FAM135A: variants seen among roughly 807,000 people sequenced by gnomAD.
The protein encoded by FAM135A is protein FAM135A.
Under a neutral mutation model 146.8 loss-of-function variants are expected in FAM135A, and 79 were observed. That is an observed-to-expected ratio of 0.54 (90% CI 0.45 to 0.65). FAM135A has a LOEUF of 0.65. Ranked by LOEUF, FAM135A falls within the 30% of genes least tolerant of loss-of-function variation. The probability of loss-of-function intolerance (pLI) is 0.00; values close to 1 mark genes in which losing one functional copy is unlikely to be tolerated. For synonymous variants in FAM135A, 562 were observed against 603.6 expected (o/e 0.93, Z 1.01); for missense variants, 1,623 against 1,758.2 (o/e 0.92, Z 1.38).
At chr6:70,421,176 G>A (rs896667141) in intron 2 of FAM135A, among the ~76,000 whole-genome samples, 2 of 151,960 alleles carry the variant, frequency 1.3e-5, no homozygotes, top group African/African-American at 2.4e-5. Context: ...GAGCCACCAC[G>A]CCTGGCCCAC....
intron 18 of FAM135A, among the ~76,000 whole-genome samples, chr6:70,534,089 G>T (rs551947078): frequency 2.3e-3 from 346 of 152,098 alleles, no homozygotes; most frequent in Non-Finnish European, 4.1e-3. Context: ...GAAGATGGGG[G>T]ATGGTGGGGA....
At chr6:70,472,978 T>C (rs141492540) in intron 5 of FAM135A, among the ~76,000 whole-genome samples, 1 of 152,218 alleles carries the variant, frequency 6.6e-6, no homozygotes, top group Non-Finnish European at 1.5e-5. Context: ...GCTGTAACAT[T>C]ACTCTTTTTC....
At chr6:70,504,755 C>CTG (rs1561930845) in intron 12 of FAM135A, 1 of 152,050 alleles carries the variant, frequency 6.6e-6, no homozygotes, top group Admixed American at 6.6e-5. Context: ...GGTGGATCAC[C>CTG]TGAGGTCAGG....
chr6:70,466,438 A>G (rs1780495920), intron 5 of FAM135A, among the ~76,000 whole-genome samples: 1 of 152,216 alleles, frequency 6.6e-6, no homozygotes, highest in African/African-American at 2.4e-5. Context: ...CCAGCTGTGT[A>G]AGATAGCATA....
At chr6:70,445,790 T>C (rs966307265) in intron 4 of FAM135A, among the ~76,000 whole-genome samples, 3 of 152,130 alleles carry the variant, frequency 2.0e-5, no homozygotes, top group Non-Finnish European at 4.4e-5. Flanking sequence ...CATGTCACAG[T>C]GCTGCAGAGA....
rs1456373235 is a variant in FAM135A, at chr6:70,474,678, C to T, written c.158-732C>T. Among the ~76,000 whole-genome samples, 4 of 152,152 alleles carry T rather than the reference C, an allele frequency of 2.6e-5. No individual in the cohort carries two copies. The East Asian group carries it at 5.8e-4, about 22-fold the overall frequency. On this transcript the variant is annotated intron_variant, in intron 5 of 21. Transcript: ENST00000418814. ...TTGTTTTCTCCCCATTAAGTAAGGACGCATTAACTTTCCTCCTCTCGAACA... is the reference window on the plus strand; with the variant it reads ...TTGTTTTCTCCCCATTAAGTAAGGATGCATTAACTTTCCTCCTCTCGAACA...
At chr6:70,502,904 G>GA in intron 12 of FAM135A, 113 bp downstream of exon 12, 2 of 1,093,110 alleles carry the variant, frequency 1.8e-6, no homozygotes, top group East Asian at 5.0e-5. Flanking sequence ...TCAGAAAAGA[G>GA]ACATTTGTCA....
At chr6:70,421,915 A>G (rs1441118837) in intron 2 of FAM135A, among the ~76,000 whole-genome samples, 3 of 152,182 alleles carry the variant, frequency 2.0e-5, no homozygotes, top group Admixed American at 2.0e-4. Flanking sequence ...AGATACAGAG[A>G]GTTCCTTGCA....
At chr6:70,505,479 T>C (rs1039076842) in intron 12 of FAM135A, among the ~76,000 whole-genome samples, 6 of 152,142 alleles carry the variant, frequency 3.9e-5, no homozygotes, top group African/African-American at 1.4e-4. Flanking sequence ...AGTTTGGGTT[T>C]GTATTATATT....
intron 20 of FAM135A, among the ~76,000 whole-genome samples, chr6:70,539,810 A>G (rs2128437666): frequency 1.3e-5 from 2 of 152,200 alleles, no homozygotes; most frequent in African/African-American, 4.8e-5. Flanking sequence ...CCTGGCTAAC[A>G]CGGTGAAACC....
intron 2 of FAM135A, among the ~76,000 whole-genome samples, chr6:70,421,599 T>G (rs1768870307): frequency 6.6e-6 from 1 of 152,218 alleles, no homozygotes; most frequent in Non-Finnish European, 1.5e-5. Context: ...AGTTTCTCAC[T>G]TAGTTTCAGA....
At chr6:70,439,837 C>G (rs1156964062) in intron 4 of FAM135A, among the ~76,000 whole-genome samples, 1 of 152,194 alleles carries the variant, frequency 6.6e-6, no homozygotes, top group Non-Finnish European at 1.5e-5. Flanking sequence ...TAAGCACACA[C>G]CTATCACCTA....
chr6:70,448,670 C>T (rs1326712568), intron 4 of FAM135A, among the ~76,000 whole-genome samples: 4 of 152,052 alleles, frequency 2.6e-5, no homozygotes, highest in South Asian at 2.1e-4. Flanking sequence ...CTGAGAGCCC[C>T]GAACAAAGAT....
In FAM135A at chr6:70,556,788, C is replaced by T. The variant is rs774549257; in HGVS notation, c.4267C>T (p.Leu1423=). The change falls in exon 21 of 22, where the codon CTA becomes TTA. Residue 1423 remains leucine (L), a synonymous_variant. Transcript: ENST00000418814. ...CAAAAATGTTGTGCTAGTGGGATCC[C>T]TACAGGATCGCTATGTTCCTTATCA... ...YFKNVVLVGS[L]QDRYVPYHSA... The T allele has an allele frequency of 1.9e-5, 31 of 1,613,752 alleles. 1 individual carries two copies. The South Asian group carries it at 3.2e-4, about 17-fold the overall frequency.
chr6:70,518,662 T>C (rs1003141289), intron 12 of FAM135A, among the ~76,000 whole-genome samples: 3 of 152,198 alleles, frequency 2.0e-5, no homozygotes, highest in Non-Finnish European at 4.4e-5. Flanking sequence ...CATTCCTAAA[T>C]TCTAGAGCTC....
intron 10 of FAM135A, among the ~76,000 whole-genome samples, chr6:70,490,300 A>G (rs531244720): frequency 5.3e-4 from 81 of 152,296 alleles, no homozygotes; most frequent in African/African-American, 1.9e-3. Flanking sequence ...AATTAAGTGT[A>G]TGTAAAGATA....
At chr6:70,490,125 A>G (rs997049250) in intron 10 of FAM135A, among the ~76,000 whole-genome samples, 1 of 152,124 alleles carries the variant, frequency 6.6e-6, no homozygotes, top group African/African-American at 2.4e-5. Context: ...CTGTTTTACA[A>G]ATTAGTCAGC....
intron 12 of FAM135A, among the ~76,000 whole-genome samples, chr6:70,515,387 CTG>C (rs1368715244): frequency 6.6e-6 from 1 of 152,144 alleles, no homozygotes; most frequent in Admixed American, 6.5e-5. Context: ...GATAAACAAA[CTG>C]TTGTCCATTC....
intron 5 of FAM135A, among the ~76,000 whole-genome samples, chr6:70,464,690 G>A (rs1029408117): frequency 8.8e-6 from 1 of 114,092 alleles, no homozygotes. Context: ...TTTTGAGACA[G>A]TCTCACTTTG....
Sources: allele counts gnomAD v4.1 joint callset (sites outside exome capture counted in the v4.1 genomes callset), GRCh38; gene constraint gnomAD v4.1.1; transcripts MANE v1.5; gene names NCBI Gene and HGNC (gene_info 2026-07-23, HGNC 2026-07-21).